Variants in PDE9A observed in about 807,000 individuals in gnomAD.
The protein encoded by PDE9A is high affinity cGMP-specific 3',5'-cyclic phosphodiesterase 9A.
A neutral mutation model predicts 87.4 loss-of-function variants in PDE9A; 60 were observed. The ratio of observed to expected loss-of-function variants is 0.69; its 90% confidence interval spans 0.56 to 0.85. PDE9A has a LOEUF of 0.85. Ranked by LOEUF, PDE9A falls within the 40% of genes least tolerant of loss-of-function variation. PDE9A has a pLI of 0.00. For synonymous variants in PDE9A, 272 were observed against 279.4 expected (o/e 0.97, Z 0.27); for missense variants, 665 against 779.0 (o/e 0.85, Z 1.74).
chr21:42,730,431 T>G (rs1036160206), intron 4 of PDE9A, among the ~76,000 whole-genome samples: 3 of 152,238 alleles, frequency 2.0e-5, no homozygotes, highest in African/African-American at 7.2e-5. Context: ...CTGATTAGTT[T>G]TTTTTAATTT....
intron 8 of PDE9A, among the ~76,000 whole-genome samples, chr21:42,747,753 A>G (rs549149124): frequency 6.6e-6 from 1 of 152,306 alleles, no homozygotes; most frequent in Admixed American, 6.5e-5. Flanking sequence ...AGCATGGAAT[A>G]TGGGGTTCAC....
At chr21:42,670,566 A>C (rs532735911) in intron 1 of PDE9A, among the ~76,000 whole-genome samples, 1 of 150,048 alleles carries the variant, frequency 6.7e-6, no homozygotes, top group South Asian at 2.1e-4. Flanking sequence ...ACATTCACAC[A>C]TACACACACC....
rs1004954708 is a variant in PDE9A, at chr21:42,711,265, T to TG, written c.262+12254_262+12255insG. 2.9e-3 allele frequency among the ~76,000 whole-genome samples: 440 copies of TG among 151,892 alleles called. 3 individuals are homozygous for TG. The highest frequency in any genetic ancestry group is 9.8e-3 in the African/African-American group (405 of 41,448). ...TCTTCTCTAATAAGTTTTGTTTTTTTTTTTTTTTGAGACAAGGTTTCTTGT... is the reference window on the plus strand; with the variant it reads ...TCTTCTCTAATAAGTTTTGTTTTTTTGTTTTTTTTGAGACAAGGTTTCTTGT... On this transcript the variant is annotated intron_variant, in intron 4 of 19. Coordinates refer to ENST00000291539, the MANE Select transcript of PDE9A (RefSeq NM_002606.3).
Position 42,759,634 on chromosome 21 carries a change from A to G in PDE9A, c.897+549A>G, listed in dbSNP as rs1321415768. ...TGGGAGTGTGTGGGGTGGGAGTAGG[A>G]GTGTGGAGGTGTGTCTGTGTGTGTC... On this transcript the variant is annotated intron_variant, in intron 11 of 19. Coordinates refer to ENST00000291539, the MANE Select transcript of PDE9A (RefSeq NM_002606.3). This position sits in a 1 kb window ranked among gnomAD's most constrained non-coding sequence, Gnocchi z 7.2. Among the ~76,000 whole-genome samples, 2 of 144,472 alleles carry G rather than the reference A, an allele frequency of 1.4e-5. No homozygotes were observed. The highest frequency in any genetic ancestry group is 5.2e-5 in the African/African-American group (2 of 38,208). 94.8% of individuals were successfully genotyped at this position (144,472 alleles called of 152,430 possible). A position where few individuals can be genotyped will look rare whatever the true frequency, so the allele number is the denominator to read the frequency against.
chr21:42,654,529 A>T (rs753900822), intron 1 of PDE9A, among the ~76,000 whole-genome samples: 2 of 151,970 alleles, frequency 1.3e-5, no homozygotes, highest in Admixed American at 1.3e-4. Context: ...GGGAGGGACA[A>T]TGAGCGCGCC....
chr21:42,732,113 G>A lies in PDE9A; in HGVS notation c.486G>A (p.Glu162=). The A allele has an allele frequency of 1.9e-6, 3 of 1,614,120 alleles. No homozygotes were observed. Among genetic ancestry groups the A allele is most frequent in the Non-Finnish European group, 1.7e-6 (2 of 1,179,954 alleles). The change falls in exon 6 of 20, where the codon GAG becomes GAA. Residue 162 remains glutamate, a synonymous_variant. Transcript: ENST00000291539. ...LIQSVLAQVA[E]QFSRAFKINE... ...AGAGCGTGCTGGCGCAGGTTGCAGA[G>A]CAGTTCTCAAGGTACAGAGTCTTCT... is the stretch of plus-strand genomic sequence containing the variant.
At chr21:42,766,423 C>G (rs890425068) in intron 15 of PDE9A, among the ~76,000 whole-genome samples, 1 of 152,164 alleles carries the variant, frequency 6.6e-6, no homozygotes, top group Admixed American at 6.5e-5. Flanking sequence ...AGGTGCACCC[C>G]TGGCATTCTT....
At chr21:42,697,090 CTG>C (rs547018295) in intron 3 of PDE9A, among the ~76,000 whole-genome samples, 16 of 152,016 alleles carry the variant, frequency 1.1e-4, no homozygotes, top group Non-Finnish European at 2.4e-4. Flanking sequence ...TCTTGACATT[CTG>C]TGTGAGTGAG....
At chr21:42,683,208 T>G (rs1426354087) in intron 1 of PDE9A, among the ~76,000 whole-genome samples, 1 of 152,082 alleles carries the variant, frequency 6.6e-6, no homozygotes, top group African/African-American at 2.4e-5. Context: ...AAGCCAGCTG[T>G]TCCTCAACTG....
At position 42,697,506 on chromosome 21, in the gene PDE9A, T is replaced by C. The variant is rs114949027; in HGVS notation, c.219-1462T>C. On this transcript the variant is annotated intron_variant, in intron 3 of 19. Transcript: ENST00000291539. Reference sequence around the variant, plus strand: ...GTCCCACCAGGTGAATACTTGCATGTTTGTCTTCATCTTCTTAACAACTAC... The same window carrying C: ...GTCCCACCAGGTGAATACTTGCATGCTTGTCTTCATCTTCTTAACAACTAC... 1.6e-3 allele frequency: 2,405 copies of C among 1,514,236 alleles called. 24 individuals are homozygous for C. In the African/African-American group the frequency reaches 0.03, roughly 19 times the overall value. 93.8% of individuals were successfully genotyped at this position (1,514,236 alleles called of 1,614,324 possible).
intron 1 of PDE9A, among the ~76,000 whole-genome samples, chr21:42,672,500 AGAAT>A (rs1472299017): frequency 6.6e-6 from 1 of 152,256 alleles, no homozygotes; most frequent in Non-Finnish European, 1.5e-5. Context: ...CACAGAACGC[AGAAT>A]TTGCTCACCC....
At position 42,732,109 on chromosome 21, in the gene PDE9A, C is replaced by T; in HGVS notation, c.482C>T (p.Ala161Val). 1 of 1,614,054 alleles carries T rather than the reference C, an allele frequency of 6.2e-7. No individual in the cohort carries two copies. The highest frequency in any genetic ancestry group is 8.5e-7 in the Non-Finnish European group (1 of 1,179,896). Residue 161 changes from alanine (A) to valine (V), a missense_variant, in exon 6 of 20, where the codon GCA becomes GTA. Ala to Val is a moderately conservative substitution (Grantham distance 64). Transcript: ENST00000291539. The part of the protein sequence containing the change: ...ELIQSVLAQV[A>V]EQFSRAFKIN... ...ATCCAGAGCGTGCTGGCGCAGGTTG[C>T]AGAGCAGTTCTCAAGGTACAGAGTC...
intron 1 of PDE9A, among the ~76,000 whole-genome samples, chr21:42,662,606 ACACACACCACACACAC>A (rs1322706888): frequency 6.9e-5 from 10 of 145,662 alleles, no homozygotes; most frequent in Non-Finnish European, 1.2e-4. Flanking sequence ...ATACACATGC[ACACACACCACACACAC>A]CACACACCAC....
chr21:42,753,346 C>T (rs1044572271), intron 9 of PDE9A, among the ~76,000 whole-genome samples: 4 of 152,164 alleles, frequency 2.6e-5, no homozygotes, highest in African/African-American at 9.7e-5. Flanking sequence ...GTCTAATTTA[C>T]ATGCAGTAAA....
At chr21:42,750,900 C>T (rs1261262615) in intron 8 of PDE9A, among the ~76,000 whole-genome samples, 2 of 152,138 alleles carry the variant, frequency 1.3e-5, no homozygotes, top group Non-Finnish European at 2.9e-5. Flanking sequence ...ATCTGACTTT[C>T]TGTGTGTTTT....
At chr21:42,700,326 A>C (rs1465235230) in intron 4 of PDE9A, among the ~76,000 whole-genome samples, 1 of 152,136 alleles carries the variant, frequency 6.6e-6, no homozygotes, top group Admixed American at 6.5e-5. Context: ...ATTAAAGTAC[A>C]AGTATTGGTG....
At chr21:42,670,651 T>G (rs2058490253) in intron 1 of PDE9A, among the ~76,000 whole-genome samples, 1 of 146,024 alleles carries the variant, frequency 6.8e-6, no homozygotes, top group Non-Finnish European at 1.5e-5. Flanking sequence ...AAACTATCAT[T>G]CACACACATA....
At chr21:42,748,204 CA>C (rs1297177791) in intron 8 of PDE9A, among the ~76,000 whole-genome samples, 1 of 152,230 alleles carries the variant, frequency 6.6e-6, no homozygotes, top group Non-Finnish European at 1.5e-5. Flanking sequence ...AAATCATCAT[CA>C]TGCCATCTAT....
chr21:42,764,554 G>A (rs1054493254), intron 14 of PDE9A, among the ~76,000 whole-genome samples: 2 of 152,220 alleles, frequency 1.3e-5, no homozygotes, highest in Admixed American at 6.5e-5. Context: ...AGAGCATCCC[G>A]CAAGAGAAGG....
Sources: allele counts gnomAD v4.1 joint callset (sites outside exome capture counted in the v4.1 genomes callset), GRCh38; gene constraint gnomAD v4.1.1; non-coding constraint Gnocchi (gnomAD v3.1); transcripts MANE v1.5; gene names NCBI Gene and HGNC (gene_info 2026-07-23, HGNC 2026-07-21).